Variants in SLC7A7 observed in about 807,000 individuals in gnomAD.
The protein encoded by SLC7A7 is Y+L amino acid transporter 1.
In SLC7A7, 39 loss-of-function variants were observed where a neutral mutation model predicts 47.9. That is an observed-to-expected ratio of 0.81 (90% confidence interval 0.63 to 1.06). The LOEUF (loss-of-function observed/expected upper bound fraction) is 1.06. Among genes scored for constraint, SLC7A7 ranks in the 50% least tolerant of loss-of-function variants. The pLI, the probability that SLC7A7 is intolerant of heterozygous loss-of-function variation, is 0.00. For missense variants in SLC7A7, 588 were observed against 632.0 expected (o/e 0.93, Z 0.75); for synonymous variants, 234 against 242.8 (o/e 0.96, Z 0.34).
rs188923133 is a variant in SLC7A7, at chr14:22,776,391, C to T, written c.771-73G>A. On this transcript the variant is annotated intron_variant, in intron 4 of 9. Coordinates refer to ENST00000674313, the MANE Select transcript of SLC7A7 (RefSeq NM_003982.4). ...CTATCTCTCCTTTAATCCTTAGACT[C>T]TCCCTGCCACACCGGTCTTTCCAGG... 2.5e-6 allele frequency: 4 copies of T among 1,584,134 alleles called. No individual in the cohort carries two copies. The African/African-American group carries it at 5.4e-5, about 21-fold the overall frequency.
chr14:22,814,699 C>T (rs964601251), intron 1 of SLC7A7: 1 of 153,072 alleles, frequency 6.5e-6, no homozygotes, highest in Non-Finnish European at 1.5e-5. Context: ...ACTGACCCTA[C>T]CAGCAGCTAA....
chr14:22,779,110 TAGAG>T (rs551734103), intron 3 of SLC7A7, among the ~76,000 whole-genome samples, 173 bp from the exon 4 acceptor site: 162 of 152,298 alleles, frequency 1.1e-3, no homozygotes, highest in African/African-American at 3.6e-3. Context: ...GAGACGTCTA[TAGAG>T]ATAGACCAGA....
chr14:22,774,208 C>T (rs2038545179), intron 8 of SLC7A7, 92 bp from the exon 9 acceptor site: 18 of 1,586,894 alleles, frequency 1.1e-5, no homozygotes, highest in South Asian at 4.4e-5. Context: ...GCGCACTGAG[C>T]CTTCTTTCCA....
At chr14:22,792,722 T>C (rs2038943674) in intron 2 of SLC7A7, among the ~76,000 whole-genome samples, 1 of 150,384 alleles carries the variant, frequency 6.6e-6, no homozygotes, top group Non-Finnish European at 1.5e-5. Context: ...CCAGCCGTGG[T>C]GGCGCACGCC....
At chr14:22,783,472 C>T (rs990421822) in intron 2 of SLC7A7, among the ~76,000 whole-genome samples, 2 of 151,604 alleles carry the variant, frequency 1.3e-5, no homozygotes, top group Admixed American at 1.3e-4. Flanking sequence ...GCGATCTCAG[C>T]TCACTGCAAC....
chr14:22,795,464 T>A (rs10132846), intron 2 of SLC7A7, among the ~76,000 whole-genome samples: 48,671 of 66,028 alleles, frequency 0.74, 16,059 homozygotes, highest in East Asian at 0.82. Context: ...TTTCTTTTCT[T>A]TTCTTTTCTT....
At chr14:22,793,534 G>A (rs2038962354) in intron 2 of SLC7A7, among the ~76,000 whole-genome samples, 1 of 152,150 alleles carries the variant, frequency 6.6e-6, no homozygotes, top group Non-Finnish European at 1.5e-5. Context: ...GTTTAGGGCT[G>A]GGCACGGTGG....
chr14:22,773,691 G>A lies in SLC7A7; in HGVS notation c.1455C>T (p.Val485=). The A allele has an allele frequency of 6.2e-7, 1 of 1,614,166 alleles. No individual in the cohort carries two copies. Among genetic ancestry groups the A allele is most frequent in the Non-Finnish European group, 8.5e-7 (1 of 1,180,032 alleles). The change falls in exon 10 of 10, where the codon GTC becomes GTT. Residue 485 remains valine, a synonymous_variant. Coordinates refer to ENST00000674313, the MANE Select transcript of SLC7A7 (RefSeq NM_003982.4). ...IVGSATRYLQ[V]LCMSVAAEMD... is the part of the protein sequence containing the mutation. ...TTTCTGCAGCAACTGACATACACAGGACCTGGAGGTACCTTGTGGCAGACC... is the reference window on the plus strand; with the variant it reads ...TTTCTGCAGCAACTGACATACACAGAACCTGGAGGTACCTTGTGGCAGACC...
chr14:22,796,223 C>G (rs894616449), intron 2 of SLC7A7, among the ~76,000 whole-genome samples: 10 of 152,168 alleles, frequency 6.6e-5, no homozygotes, highest in African/African-American at 2.2e-4. Context: ...ACTGTTCCAC[C>G]TCATTAGCCA....
At chr14:22,801,161 C>T (rs530875427) in intron 2 of SLC7A7, among the ~76,000 whole-genome samples, 14 of 152,246 alleles carry the variant, frequency 9.2e-5, no homozygotes, top group African/African-American at 2.9e-4. Context: ...ATAACTAGCA[C>T]AGCTTATAAA....
chr14:22,801,773 C>CA (rs1382151861), intron 2 of SLC7A7, among the ~76,000 whole-genome samples: 1 of 151,984 alleles, frequency 6.6e-6, no homozygotes, highest in Admixed American at 6.6e-5. Context: ...GACTCCGTCT[C>CA]AAAAAAACAA....
At chr14:22,811,477 G>C (rs1314245980) in intron 2 of SLC7A7, among the ~76,000 whole-genome samples, 2 of 152,188 alleles carry the variant, frequency 1.3e-5, no homozygotes, top group Non-Finnish European at 2.9e-5. Context: ...TGGCTTTACT[G>C]AATGTACAGA....
rs754178526 is a variant in SLC7A7 at position 22,773,555 on chromosome 14, C to T, written c.*55G>A. 1.4e-6 allele frequency: 2 copies of T among 1,480,424 alleles called. No individual in the cohort carries two copies. Among genetic ancestry groups the T allele is most frequent in the East Asian group, 2.3e-5 (1 of 44,278 alleles). The allele number at this position is 1,480,424 out of a possible 1,614,324, so 91.7% of individuals were successfully genotyped here. A position where few individuals can be genotyped will look rare whatever the true frequency, so the allele number is the denominator to read the frequency against. ...GAGCTTTCCTTTTCAACTTCCTTAG[C>T]TCTAGCCAGTAGACCAGAAACCCCT... On this transcript the variant is annotated 3_prime_UTR_variant, in exon 10 of 10. Transcript: ENST00000674313.
intron 3 of SLC7A7, 101 bp from the exon 4 acceptor site, chr14:22,779,038 G>A (rs1396569827): frequency 1.2e-5 from 18 of 1,475,922 alleles, no homozygotes; most frequent in Non-Finnish European, 1.7e-5. Flanking sequence ...TATAATAGCA[G>A]GTAAGTGGCC....
At chr14:22,783,283 G>A (rs549726001) in intron 2 of SLC7A7, among the ~76,000 whole-genome samples, 12 of 151,918 alleles carry the variant, frequency 7.9e-5, no homozygotes, top group South Asian at 6.2e-4. Flanking sequence ...GGCTGGTCTC[G>A]AACTCCTGGC....
At chr14:22,781,767 C>T (rs2038723530) in intron 2 of SLC7A7, among the ~76,000 whole-genome samples, 1 of 152,176 alleles carries the variant, frequency 6.6e-6, no homozygotes, top group African/African-American at 2.4e-5. Context: ...TTATCCTAGG[C>T]TCTGCGGCTG....
chr14:22,798,901 C>A (rs1241423743), intron 2 of SLC7A7, among the ~76,000 whole-genome samples: 1 of 152,134 alleles, frequency 6.6e-6, no homozygotes, highest in Non-Finnish European at 1.5e-5. Context: ...TGTGCTCTCA[C>A]CTCCCCAATT....
intron 2 of SLC7A7, among the ~76,000 whole-genome samples, chr14:22,806,118 C>CAAAA (rs753674829): frequency 1.5e-5 from 1 of 66,208 alleles, no homozygotes. Context: ...GACTCTGTCT[C>CAAAA]AAAAAAAAAA....
At chr14:22,798,865 C>T (rs2039062584) in intron 2 of SLC7A7, among the ~76,000 whole-genome samples, 1 of 152,118 alleles carries the variant, frequency 6.6e-6, no homozygotes, top group Non-Finnish European at 1.5e-5. Context: ...TGTAAACCTG[C>T]CACCTCTGGT....
Sources: gnomAD v4.1 joint callset for allele counts (sites outside exome capture counted in the v4.1 genomes callset) on GRCh38, gnomAD v4.1.1 for gene constraint, MANE v1.5 for transcripts, NCBI Gene and HGNC (gene_info 2026-07-23, HGNC 2026-07-21) for gene names.